The following ADD2 variants were observed in gnomAD, a reference collection of about 807,000 sequenced individuals.
ADD2 encodes adducin 2.
In ADD2, 23 loss-of-function variants were observed where a neutral mutation model predicts 83.0. The observed-to-expected ratio is 0.28, with a 90% CI of 0.20 to 0.39. ADD2 has a LOEUF of 0.39. ADD2 is among the 10% of genes least tolerant of loss of function. ADD2 has a pLI of 1.00. For missense variants in ADD2, 758 were observed against 944.9 expected, an observed-to-expected ratio of 0.80 and a Z score of 2.59; for synonymous variants, 375 against 375.4, an observed-to-expected ratio of 1.00 and a Z score of 0.01.
At chr2:70,707,715 A>C (rs1395008015) in intron 2 of ADD2, among the ~76,000 whole-genome samples, 1 of 152,240 alleles carries the variant, frequency 6.6e-6, no homozygotes, top group East Asian at 1.9e-4. Flanking sequence ...TGGCTGAACA[A>C]TAATTAGCTT....
intron 8 of ADD2, 21 bp from the exon 9 acceptor site, chr2:70,688,143 A>G (rs1553370872): frequency 1.3e-6 from 2 of 1,597,800 alleles, no homozygotes; most frequent in Non-Finnish European, 1.7e-6. Flanking sequence ...ATAAATAGTC[A>G]ATTAAAACCT....
chr2:70,768,039 C>T lies in ADD2; in HGVS notation c.-307G>A. ...ATGCTGCAGCCCGCGCTCGTCAGAG[C>T]TGCTGGGAGATCCCCCAGCAGTGCA... On this transcript the variant is annotated 5_prime_UTR_variant, in exon 1 of 16. Coordinates refer to ENST00000264436, the MANE Select transcript of ADD2 (RefSeq NM_001617.4). 1 of 1,452,266 alleles carries T rather than the reference C, an allele frequency of 6.9e-7. No individual in the cohort carries two copies. Among genetic ancestry groups the T allele is most frequent in the East Asian group, 2.5e-5 (1 of 40,168 alleles). The allele number at this position is 1,452,266 out of a possible 1,614,324, so 90.0% of individuals were successfully genotyped here.
intron 1 of ADD2, among the ~76,000 whole-genome samples, chr2:70,713,860 A>G (rs1422783014): frequency 6.6e-6 from 1 of 151,950 alleles, no homozygotes; most frequent in Non-Finnish European, 1.5e-5. Context: ...CAGCTGCTAA[A>G]CTCACAGATG....
chr2:70,674,778 G>C lies in ADD2; in HGVS notation c.1641C>G (p.Asp547Glu). ...LMSKGDEDTK[D>E]DSEETVPNPF... ...GGTTGGGCACCGTCTCCTCTGAATC[G>C]TCTTTGGTATCCTCGTCTCCCTTGG... is the stretch of plus-strand genomic sequence containing the variant. The change falls in exon 14 of 16, where the codon GAC becomes GAG. Residue 547 changes from aspartate (D) to glutamate (E), a missense_variant. By Grantham distance (45) the Asp-to-Glu change is conservative. Around this residue, in one of 5 missense-constraint regions of ADD2, gnomAD observed 394 missense variants for 509.3 expected, o/e 0.77. Coordinates refer to ENST00000264436, the MANE Select transcript of ADD2 (RefSeq NM_001617.4). 6.2e-7 allele frequency: 1 copy of C among 1,614,064 alleles called. No homozygotes were observed. The highest frequency in any genetic ancestry group is 8.5e-7 in the Non-Finnish European group (1 of 1,180,002).
chr2:70,716,163 C>T (rs1311376266), intron 1 of ADD2, among the ~76,000 whole-genome samples: 1 of 152,086 alleles, frequency 6.6e-6, no homozygotes, highest in African/African-American at 2.4e-5. Context: ...AAACCAAATG[C>T]ACACCCCATG....
intron 12 of ADD2, 104 bp downstream of exon 12, chr2:70,677,654 A>G: frequency 6.9e-7 from 1 of 1,442,352 alleles, no homozygotes; most frequent in Admixed American, 1.8e-5. Context: ...GGCATGTGAG[A>G]TGTCAGCGAG....
chr2:70,676,543 G>A lies in ADD2; in HGVS notation c.1593+253C>T. On this transcript the variant is annotated intron_variant, in intron 13 of 15. Coordinates refer to ENST00000264436, the MANE Select transcript of ADD2 (RefSeq NM_001617.4). The surrounding 1 kb of genome is among the most constrained non-coding windows in gnomAD (Gnocchi z 4.8). ...ATGGCAGGAGGTACGGAAGCCGGCC[G>A]CATCACTCCTGCAGGCAGGCTGGGC... The A allele has an allele frequency of 2.2e-6, 3 of 1,388,314 alleles. No individual in the cohort carries two copies. The highest frequency in any genetic ancestry group is 3.1e-5 in the Admixed American group (1 of 32,622). 86.0% of individuals were successfully genotyped at this position (1,388,314 alleles called of 1,614,324 possible). A position where few individuals can be genotyped will look rare whatever the true frequency, so the allele number is the denominator to read the frequency against.
At chr2:70,767,488 G>T in intron 1 of ADD2, 1 of 371,186 alleles carries the variant, frequency 2.7e-6, no homozygotes, top group Non-Finnish European at 3.8e-6. Flanking sequence ...GAGGGCGGCG[G>T]CCGAGCGGGA....
chr2:70,719,865 C>A (rs1404982586), intron 1 of ADD2, among the ~76,000 whole-genome samples: 1 of 152,114 alleles, frequency 6.6e-6, no homozygotes, highest in Non-Finnish European at 1.5e-5. Flanking sequence ...CTCTTTGGCC[C>A]AATCTGAGAG....
intron 1 of ADD2, among the ~76,000 whole-genome samples, chr2:70,724,841 G>A (rs1168607011): frequency 6.6e-6 from 1 of 152,190 alleles, no homozygotes; most frequent in Non-Finnish European, 1.5e-5. Flanking sequence ...TATTGGGTGT[G>A]GACAGGACAG....
chr2:70,695,714 T>C lies in ADD2; in HGVS notation c.555+7A>G. 11 of 1,613,472 alleles carry C rather than the reference T, an allele frequency of 6.8e-6. No homozygotes were observed. The highest frequency in any genetic ancestry group is 9.3e-6 in the Non-Finnish European group (11 of 1,179,360). ...AGGAGTGGGCAGTGATGCTGGACTG[T>C]ACTCACCAGGCTGGACGCTGTGACT... is the stretch of plus-strand genomic sequence containing the variant. On this transcript the variant is annotated splice_region_variant and intron_variant, in intron 6 of 15. Coordinates refer to ENST00000264436, the MANE Select transcript of ADD2 (RefSeq NM_001617.4).
At chr2:70,739,258 G>A (rs1433662975) in intron 1 of ADD2, among the ~76,000 whole-genome samples, 3 of 152,154 alleles carry the variant, frequency 2.0e-5, no homozygotes, top group Non-Finnish European at 4.4e-5. Context: ...CGACATACAT[G>A]TGGCCAACAA....
intron 3 of ADD2, among the ~76,000 whole-genome samples, chr2:70,704,988 A>G (rs1553374179): frequency 6.6e-6 from 1 of 152,184 alleles, no homozygotes; most frequent in African/African-American, 2.4e-5. Context: ...AGCCATAAGC[A>G]AGGAATCCTG....
At chr2:70,733,858 A>G (rs575645062) in intron 1 of ADD2, among the ~76,000 whole-genome samples, 1 of 152,328 alleles carries the variant, frequency 6.6e-6, no homozygotes, top group South Asian at 2.1e-4. Context: ...CTGTACTGAT[A>G]AAGAAAGGAT....
At chr2:70,714,284 C>A (rs1162051793) in intron 1 of ADD2, among the ~76,000 whole-genome samples, 1 of 152,120 alleles carries the variant, frequency 6.6e-6, no homozygotes, top group Non-Finnish European at 1.5e-5. Flanking sequence ...CCTGAGTACC[C>A]CCACCCTACC....
At chr2:70,733,318 C>T (rs574514494) in intron 1 of ADD2, among the ~76,000 whole-genome samples, 56 of 152,316 alleles carry the variant, frequency 3.7e-4, no homozygotes, top group Non-Finnish European at 6.2e-4. Context: ...GAAGGGAAGG[C>T]GGTGCATGCA....
At chr2:70,716,753 G>A (rs1672490155) in intron 1 of ADD2, among the ~76,000 whole-genome samples, 1 of 152,220 alleles carries the variant, frequency 6.6e-6, no homozygotes, top group South Asian at 2.1e-4. Context: ...TGAGGAGACA[G>A]ACCCTGAAGG....
In ADD2 at chr2:70,657,297, A is replaced by G. The variant is rs1170061766; in HGVS notation, c.*6128T>C. 6.6e-6 allele frequency: 1 copy of G among 152,208 alleles called. No homozygotes were observed. Among genetic ancestry groups the G allele is most frequent in the African/African-American group, 2.4e-5 (1 of 41,446 alleles). 9.4% of individuals were successfully genotyped at this position (152,208 alleles called of 1,614,324 possible). A position where few individuals can be genotyped will look rare whatever the true frequency, so the allele number is the denominator to read the frequency against. The stretch of plus-strand genomic sequence containing the variant: ...TGCGTGACGATTGTCAGACACAGAC[A>G]TTTCACTGAAACCATCCATAGCTTT... On this transcript the variant is annotated 3_prime_UTR_variant, in exon 16 of 16. Coordinates refer to ENST00000264436, the MANE Select transcript of ADD2 (RefSeq NM_001617.4).
chr2:70,714,788 CCT>C (rs1388670373), intron 1 of ADD2, among the ~76,000 whole-genome samples: 9 of 152,214 alleles, frequency 5.9e-5, no homozygotes, highest in African/African-American at 2.2e-4. Flanking sequence ...ACACCAGCTT[CCT>C]CTCCTTCCCC....
Sources: gnomAD v4.1 joint callset for allele counts (sites outside exome capture counted in the v4.1 genomes callset) on GRCh38, gnomAD v4.1.1 for gene constraint, gnomAD v4.1.1 regional missense constraint, Gnocchi (gnomAD v3.1) non-coding constraint, MANE v1.5 for transcripts, NCBI Gene and HGNC (gene_info 2026-07-23, HGNC 2026-07-21) for gene names.